Variants in TMC2 observed in about 807,000 individuals in gnomAD.
TMC2 encodes the protein transmembrane channel-like protein 2.
A neutral mutation model predicts 105.9 loss-of-function variants in TMC2; 102 were observed. The observed-to-expected ratio is 0.96, with a 90% CI of 0.82 to 1.14. TMC2 has a LOEUF of 1.14. Among genes scored for constraint, TMC2 ranks in the 50% most tolerant of loss-of-function variants. TMC2 has a pLI of 0.00. For missense variants in TMC2, 1,093 were observed against 1,134.3 expected (o/e 0.96, Z 0.52); for synonymous variants, 402 against 422.8 (o/e 0.95, Z 0.60).
chr20:2,558,497 A>G lies in TMC2; in HGVS notation c.124A>G (p.Lys42Glu). 1 of 1,558,972 alleles carries G rather than the reference A, an allele frequency of 6.4e-7. No homozygotes were observed. Among genetic ancestry groups the G allele is most frequent in the Non-Finnish European group, 8.7e-7 (1 of 1,151,538 alleles). Residue 42 changes from lysine (K) to glutamate (E), a missense_variant, in exon 3 of 20, where the codon AAA becomes GAA. Physicochemically the swap from Lys to Glu is moderately conservative, Grantham distance 56 (BLOSUM62 1). Coordinates refer to ENST00000358864, the MANE Select transcript of TMC2 (RefSeq NM_080751.3). The surrounding 1 kb of genome is among the most constrained non-coding windows in gnomAD (Gnocchi z 4.6). ...GRRSSSKRAL[K>E]AEGTPGRRGA... ...GAGATCCTCAAGCAAGCGGGCTCTC[A>G]AAGCCGAGGGGACCCCAGGCAGGCG...
intron 7 of TMC2, among the ~76,000 whole-genome samples, chr20:2,582,723 G>A (rs145731268): frequency 0.021 from 3,191 of 152,202 alleles, 112 homozygotes; most frequent in African/African-American, 0.071. Flanking sequence ...CGATCTGCTC[G>A]CCTCAGCCTC....
intron 4 of TMC2, among the ~76,000 whole-genome samples, chr20:2,563,948 G>A (rs879667672): frequency 2.6e-5 from 4 of 151,850 alleles, no homozygotes; most frequent in Non-Finnish European, 2.9e-5. Flanking sequence ...GGCTGATCTC[G>A]AACTCCTGGA....
At chr20:2,547,172 A>G (rs1340073995) in intron 2 of TMC2, among the ~76,000 whole-genome samples, 2 of 152,220 alleles carry the variant, frequency 1.3e-5, no homozygotes, top group Non-Finnish European at 2.9e-5. Flanking sequence ...AAACATCTAC[A>G]TTTTAATAAA....
At chr20:2,576,609 A>G (rs564006835) in intron 5 of TMC2, among the ~76,000 whole-genome samples, 1 of 152,354 alleles carries the variant, frequency 6.6e-6, no homozygotes, top group South Asian at 2.1e-4. Flanking sequence ...GCATTAATAA[A>G]GCTTATGAGA....
chr20:2,634,575 T>C lies in TMC2; in HGVS notation c.2307-1351T>C, dbSNP rs140771008. Reference sequence around the variant, plus strand: ...AATTCTGAAAGCCAGACACCAAACCTGACCCTGAAGGCACCAAGGAGAAAT... The same window carrying C: ...AATTCTGAAAGCCAGACACCAAACCCGACCCTGAAGGCACCAAGGAGAAAT... On this transcript the variant is annotated intron_variant, in intron 17 of 19. Coordinates refer to ENST00000358864, the MANE Select transcript of TMC2 (RefSeq NM_080751.3). Among the ~76,000 whole-genome samples the C allele has an allele frequency of 4.4e-4, 67 of 152,322 alleles. No homozygotes were observed. In the East Asian group the frequency reaches 7.1e-3, roughly 16 times the overall value.
At position 2,544,409 on chromosome 20, in the gene TMC2, A is replaced by G. The variant is rs1033949935; in HGVS notation, c.82+7093A>G. On this transcript the variant is annotated intron_variant, in intron 2 of 19. Transcript: ENST00000358864. The stretch of plus-strand genomic sequence containing the variant: ...GATCTAAGAGTGCCCTGACTAAACA[A>G]GAAAGTAGATCTCATCCCGAATCTA... Among the ~76,000 whole-genome samples the G allele has an allele frequency of 2.6e-5, 4 of 152,202 alleles. No individual in the cohort carries two copies. In the East Asian group the frequency reaches 7.7e-4, roughly 29 times the overall value.
At chr20:2,540,349 T>C (rs2085881279) in intron 2 of TMC2, among the ~76,000 whole-genome samples, 1 of 151,820 alleles carries the variant, frequency 6.6e-6, no homozygotes, top group Non-Finnish European at 1.5e-5. Flanking sequence ...AACCTCAGCA[T>C]TTAAAACCGA....
intron 2 of TMC2, among the ~76,000 whole-genome samples, chr20:2,549,146 A>G (rs2085942011): frequency 6.6e-6 from 1 of 152,182 alleles, no homozygotes; most frequent in Non-Finnish European, 1.5e-5. Flanking sequence ...GTGCCATCAC[A>G]GCTCACTTGG....
chr20:2,635,714 G>T (rs954927096), intron 17 of TMC2, among the ~76,000 whole-genome samples: 2 of 152,220 alleles, frequency 1.3e-5, no homozygotes, highest in Non-Finnish European at 2.9e-5. Flanking sequence ...CGCAGAGCTA[G>T]AGCTATGTAG....
At chr20:2,619,382 T>G (rs891501250) in intron 16 of TMC2, among the ~76,000 whole-genome samples, 2 of 152,250 alleles carry the variant, frequency 1.3e-5, no homozygotes, top group South Asian at 4.1e-4. Context: ...GAGGAAACTT[T>G]ATGTAGGAAT....
intron 17 of TMC2, among the ~76,000 whole-genome samples, chr20:2,626,603 T>A (rs2086566272): frequency 1.3e-5 from 2 of 152,188 alleles, no homozygotes; most frequent in Admixed American, 1.3e-4. Context: ...AAGACAGGAG[T>A]CATAGTATTG....
intron 18 of TMC2, among the ~76,000 whole-genome samples, chr20:2,636,911 C>T (rs1478528079): frequency 6.6e-6 from 1 of 152,090 alleles, no homozygotes; most frequent in Non-Finnish European, 1.5e-5. Context: ...GTGCCCAGCC[C>T]CTTCTTCTGT....
chr20:2,635,676 T>C (rs1198507681), intron 17 of TMC2, among the ~76,000 whole-genome samples: 1 of 152,196 alleles, frequency 6.6e-6, no homozygotes, highest in African/African-American at 2.4e-5. Context: ...AGAGGGATGA[T>C]TCCTCCAGCC....
chr20:2,606,342 C>T (rs2086391592), intron 11 of TMC2, among the ~76,000 whole-genome samples: 1 of 152,186 alleles, frequency 6.6e-6, no homozygotes, highest in Admixed American at 6.5e-5. Flanking sequence ...TCACTGCAAC[C>T]TCCACCTCCT....
chr20:2,598,917 C>T (rs2086329275), intron 10 of TMC2, among the ~76,000 whole-genome samples: 1 of 151,974 alleles, frequency 6.6e-6, no homozygotes, highest in Non-Finnish European at 1.5e-5. Context: ...CAGAAAGTTT[C>T]CTGTGTGTAC....
At chr20:2,634,558 A>G (rs376460624) in intron 17 of TMC2, among the ~76,000 whole-genome samples, 42 of 152,172 alleles carry the variant, frequency 2.8e-4, no homozygotes, top group African/African-American at 9.4e-4. Context: ...GAAATTCTGA[A>G]AGCCAGACAC....
intron 11 of TMC2, among the ~76,000 whole-genome samples, chr20:2,604,523 C>CCCAGT (rs1304339051): frequency 1.3e-5 from 2 of 152,228 alleles, no homozygotes; most frequent in East Asian, 3.9e-4. Flanking sequence ...TTGGTCTGCT[C>CCCAGT]CCAGTTTCTG....
chr20:2,564,353 T>C (rs1474159725), intron 4 of TMC2, among the ~76,000 whole-genome samples: 1 of 151,984 alleles, frequency 6.6e-6, no homozygotes, highest in Non-Finnish European at 1.5e-5. Flanking sequence ...GGTTTCACCG[T>C]GTTAGCCAGG....
chr20:2,544,594 T>A (rs1666378963), intron 2 of TMC2, among the ~76,000 whole-genome samples: 1 of 152,164 alleles, frequency 6.6e-6, no homozygotes, highest in Admixed American at 6.5e-5. Flanking sequence ...ATTCCCCACC[T>A]TGGGAGATCA....
Sources: allele counts gnomAD v4.1 joint callset (sites outside exome capture counted in the v4.1 genomes callset), GRCh38; gene constraint gnomAD v4.1.1; non-coding constraint Gnocchi (gnomAD v3.1); transcripts MANE v1.5; gene names NCBI Gene and HGNC (gene_info 2026-07-23, HGNC 2026-07-21).